Variants in MACO1 observed in about 807,000 individuals in gnomAD.
MACO1 encodes macoilin.
Under a neutral mutation model 78.7 loss-of-function variants are expected in MACO1, and 14 were observed. The ratio of observed to expected loss-of-function variants is 0.18; its 90% CI spans 0.12 to 0.28. The LOEUF is 0.28. Among genes scored for constraint, MACO1 ranks in the 10% least tolerant of loss-of-function variants. The pLI, the probability that MACO1 is intolerant of heterozygous loss-of-function variation, is 1.00. For synonymous variants in MACO1, 288 were observed against 291.6 expected, an observed-to-expected ratio of 0.99 and a Z score of 0.12; for missense variants, 501 against 799.0, an observed-to-expected ratio of 0.63 and a Z score of 4.50.
chr1:25,495,759 C>G (rs576083449), intron 10 of MACO1, among the ~76,000 whole-genome samples: 2 of 152,110 alleles, frequency 1.3e-5, no homozygotes, highest in African/African-American at 2.4e-5. Flanking sequence ...GTCAAGAGAT[C>G]GAGACCATCC....
chr1:25,485,712 G>T lies in MACO1; in HGVS notation c.1413G>T (p.Glu471Asp). The T allele has an allele frequency of 1.2e-6, 2 of 1,614,158 alleles. No homozygotes were observed. The highest frequency in any genetic ancestry group is 1.7e-6 in the Non-Finnish European group (2 of 1,180,024). The stretch of plus-strand genomic sequence containing the variant: ...AGCAGGAAGCCCGAAGTTTTGTAGA[G>T]AAACAGTTAATGGAAGAGAAAAAGA... ...KAEQEARSFV[E>D]KQLMEEKKRK... Residue 471 changes from glutamate (E) to aspartate (D), a missense_variant, in exon 8 of 11, where the codon GAG becomes GAT. Around this residue, in one of 5 missense-constraint regions of MACO1, gnomAD observed 163 missense variants for 271.9 expected, o/e 0.60. Transcript: ENST00000374343. This position sits in a 1 kb window ranked among gnomAD's most constrained non-coding sequence, Gnocchi z 4.3.
At chr1:25,486,778 C>G (rs912328261) in intron 8 of MACO1, among the ~76,000 whole-genome samples, 5 of 152,202 alleles carry the variant, frequency 3.3e-5, no homozygotes, top group Non-Finnish European at 7.3e-5. Context: ...CTGCCTCCCC[C>G]CAGCAGATGG....
chr1:25,476,976 G>A (rs1392206401), intron 6 of MACO1, among the ~76,000 whole-genome samples: 2 of 152,200 alleles, frequency 1.3e-5, no homozygotes, highest in African/African-American at 2.4e-5. Context: ...TATAAGGATT[G>A]GAAGAAACTT....
chr1:25,449,597 TGGGCTCAAATGATCCTCC>T (rs561386573), intron 3 of MACO1, among the ~76,000 whole-genome samples: 34 of 152,282 alleles, frequency 2.2e-4, no homozygotes, highest in African/African-American at 7.0e-4. Context: ...CTTGAACTCC[TGGGCTCAAATGATCCTCC>T]CACCTCAGCC....
intron 6 of MACO1, among the ~76,000 whole-genome samples, chr1:25,480,929 A>AAAATATATATATAT (rs1553166539): frequency 6.3e-5 from 3 of 47,874 alleles, no homozygotes; most frequent in Non-Finnish European, 1.0e-4. Context: ...AAAAAAAAAA[A>AAAATATATATATAT]ATATATATAT....
chr1:25,482,912 C>T (rs758146608), intron 6 of MACO1, among the ~76,000 whole-genome samples: 1 of 152,210 alleles, frequency 6.6e-6, no homozygotes, highest in Non-Finnish European at 1.5e-5. Context: ...ATTATTCCTT[C>T]TGGCATATAT....
intron 7 of MACO1, among the ~76,000 whole-genome samples, chr1:25,484,897 A>C (rs1411976243): frequency 1.3e-5 from 2 of 152,166 alleles, no homozygotes; most frequent in Admixed American, 6.5e-5. Flanking sequence ...TTTTTAAGGA[A>C]TGTAACTCAA....
chr1:25,452,704 T>G (rs1020215711), intron 3 of MACO1, among the ~76,000 whole-genome samples: 1 of 151,764 alleles, frequency 6.6e-6, no homozygotes, highest in Non-Finnish European at 1.5e-5. Context: ...AATTGTTTTT[T>G]TTTTTTTTTT....
At chr1:25,449,003 T>G in intron 3 of MACO1, 69 bp downstream of exon 3, 1 of 1,338,288 alleles carries the variant, frequency 7.5e-7, no homozygotes, top group East Asian at 2.5e-5. Context: ...GTTATTTCTT[T>G]GAATACATTA....
At chr1:25,466,016 T>C (rs2043216264) in intron 6 of MACO1, among the ~76,000 whole-genome samples, 1 of 148,968 alleles carries the variant, frequency 6.7e-6, no homozygotes, top group Non-Finnish European at 1.5e-5. Context: ...CATCCATTGA[T>C]GGACACTTAG....
chr1:25,437,764 CA>C (rs1321729682), intron 1 of MACO1, among the ~76,000 whole-genome samples: 4 of 151,864 alleles, frequency 2.6e-5, no homozygotes, highest in African/African-American at 9.7e-5. Flanking sequence ...TACTAAAATT[CA>C]AAAAAATTAG....
chr1:25,440,016 CAAA>C (rs200908330), intron 1 of MACO1, among the ~76,000 whole-genome samples: 3 of 107,000 alleles, frequency 2.8e-5, no homozygotes, highest in Non-Finnish European at 4.1e-5. Flanking sequence ...AACTCTGTCT[CAAA>C]AAAAAAAAAA....
At chr1:25,466,500 A>G (rs941636863) in intron 6 of MACO1, among the ~76,000 whole-genome samples, 4 of 152,006 alleles carry the variant, frequency 2.6e-5, no homozygotes, top group African/African-American at 9.7e-5. Context: ...TTTAGTAGAG[A>G]TGGGGTTTCT....
chr1:25,459,285 G>C (rs1228441015), intron 6 of MACO1, among the ~76,000 whole-genome samples: 1 of 152,066 alleles, frequency 6.6e-6, no homozygotes, highest in Non-Finnish European at 1.5e-5. Flanking sequence ...CATTGCAGGA[G>C]AGGGGTGAGA....
intron 6 of MACO1, among the ~76,000 whole-genome samples, chr1:25,479,905 C>T (rs1571982855): frequency 6.6e-6 from 1 of 151,988 alleles, no homozygotes; most frequent in East Asian, 1.9e-4. Flanking sequence ...GGTACTCTCT[C>T]ACCAATATTA....
chr1:25,443,632 G>A (rs970210292), intron 1 of MACO1, among the ~76,000 whole-genome samples: 1 of 152,228 alleles, frequency 6.6e-6, no homozygotes, highest in Non-Finnish European at 1.5e-5. Context: ...TTTGAACTAC[G>A]TTAGTTTTAA....
chr1:25,471,495 T>C (rs1010219609), intron 6 of MACO1, among the ~76,000 whole-genome samples: 2 of 152,254 alleles, frequency 1.3e-5, no homozygotes, highest in African/African-American at 4.8e-5. Context: ...TTTAAGTTTT[T>C]ATAACATGCT....
intron 3 of MACO1, among the ~76,000 whole-genome samples, chr1:25,451,950 GAA>G (rs979858786): frequency 1.4e-5 from 2 of 142,274 alleles, no homozygotes. Context: ...AAAGAAAAAA[GAA>G]AAAAAAAAGA....
intron 6 of MACO1, among the ~76,000 whole-genome samples, chr1:25,477,775 G>A (rs1009341211): frequency 1.3e-5 from 2 of 152,246 alleles, no homozygotes; most frequent in African/African-American, 2.4e-5. Flanking sequence ...TTAAAACCAT[G>A]AAGTTATTGG....
Sources: allele counts gnomAD v4.1 joint callset (sites outside exome capture counted in the v4.1 genomes callset), GRCh38; gene constraint gnomAD v4.1.1; regional missense constraint gnomAD v4.1.1; non-coding constraint Gnocchi (gnomAD v3.1); transcripts MANE v1.5; gene names NCBI Gene and HGNC (gene_info 2026-07-23, HGNC 2026-07-21).